AK5: variants seen among roughly 807,000 people sequenced by gnomAD.
AK5 encodes the protein adenylate kinase isoenzyme 5.
AK5 carries 27 observed loss-of-function variants against 69.5 expected under a neutral mutation model. That is an observed-to-expected ratio of 0.39 (90% CI 0.29 to 0.54). The LOEUF (loss-of-function observed/expected upper bound fraction) is 0.54, where lower values mean the gene tolerates loss of function less well. AK5 is among the 20% of genes least tolerant of loss of function. AK5 has a pLI of 0.71. For missense variants in AK5, 531 were observed against 700.4 expected (o/e 0.76, Z 2.73); for synonymous variants, 260 against 244.4 (o/e 1.06, Z -0.60).
chr1:77,508,524 C>T (rs955356536), intron 10 of AK5, among the ~76,000 whole-genome samples: 1 of 152,152 alleles, frequency 6.6e-6, no homozygotes, highest in South Asian at 2.1e-4. Context: ...TCCACCTCTG[C>T]CCACATTTCA....
intron 7 of AK5, among the ~76,000 whole-genome samples, chr1:77,416,616 A>G (rs1340026583): frequency 1.3e-5 from 2 of 152,148 alleles, no homozygotes; most frequent in African/African-American, 2.4e-5. Context: ...GAGAAGGGGG[A>G]AAAAAGAGAA....
At chr1:77,467,198 G>A (rs559970733) in intron 8 of AK5, among the ~76,000 whole-genome samples, 1 of 152,200 alleles carries the variant, frequency 6.6e-6, no homozygotes, top group Non-Finnish European at 1.5e-5. Flanking sequence ...CTGGGTCAAG[G>A]TATCAGCTCT....
chr1:77,368,165 G>A (rs866841080), intron 6 of AK5, among the ~76,000 whole-genome samples: 61 of 123,638 alleles, frequency 4.9e-4, no homozygotes, highest in Middle Eastern at 8.5e-3. Flanking sequence ...ATTGTAGCCC[G>A]GTGACAACCT....
At chr1:77,427,784 C>T (rs1325166028) in intron 8 of AK5, among the ~76,000 whole-genome samples, 1 of 152,240 alleles carries the variant, frequency 6.6e-6, no homozygotes, top group Non-Finnish European at 1.5e-5. Flanking sequence ...TCCTGCTTTT[C>T]TGCTAAGAAA....
chr1:77,509,505 G>A (rs1657221278), intron 10 of AK5, among the ~76,000 whole-genome samples: 1 of 152,112 alleles, frequency 6.6e-6, no homozygotes, highest in Non-Finnish European at 1.5e-5. Context: ...CATTCTTAGG[G>A]CACGGTCAGT....
At chr1:77,519,567 A>G (rs1657866004) in intron 11 of AK5, among the ~76,000 whole-genome samples, 1 of 152,244 alleles carries the variant, frequency 6.6e-6, no homozygotes, top group South Asian at 2.1e-4. Context: ...GTTCATTAAG[A>G]AAGTAGAGGA....
chr1:77,328,564 T>C (rs1660926568), intron 5 of AK5, among the ~76,000 whole-genome samples: 1 of 151,324 alleles, frequency 6.6e-6, no homozygotes, highest in African/African-American at 2.4e-5. Context: ...GAGAGCCTAA[T>C]GTACCCCAAT....
intron 10 of AK5, among the ~76,000 whole-genome samples, chr1:77,497,532 C>T (rs1656414097): frequency 6.6e-6 from 1 of 152,186 alleles, no homozygotes; most frequent in Non-Finnish European, 1.5e-5. Flanking sequence ...GACAGAAGTG[C>T]CATGCAAAGA....
At chr1:77,369,493 C>T (rs937749600) in intron 6 of AK5, among the ~76,000 whole-genome samples, 4 of 152,128 alleles carry the variant, frequency 2.6e-5, no homozygotes, top group African/African-American at 9.7e-5. Flanking sequence ...ATGTTGTAGG[C>T]TTTCCCAAAT....
Position 77,558,802 on chromosome 1 carries a change from CTGTT to C in AK5, c.*135_*138del. ...CACCACCTCCTAAATCCTGACAGCA[CTGTT>C]TGCTTCCCAGCTAGACCTGTGTGAG... On this transcript the variant is annotated 3_prime_UTR_variant, in exon 14 of 14. Transcript: ENST00000354567. 1.5e-6 allele frequency: 1 copy of C among 662,388 alleles called. No individual in the cohort carries two copies. Among genetic ancestry groups the C allele is most frequent in the East Asian group, 2.7e-5 (1 of 37,196 alleles). The allele number at this position is 662,388 out of a possible 1,614,324, so 41.0% of individuals were successfully genotyped here.
chr1:77,297,034 A>G (rs1205118535), intron 3 of AK5, among the ~76,000 whole-genome samples: 1 of 152,180 alleles, frequency 6.6e-6, no homozygotes, highest in East Asian at 1.9e-4. Context: ...CTAGAATTCA[A>G]AGGATATAAG....
intron 12 of AK5, among the ~76,000 whole-genome samples, chr1:77,522,182 ACT>A (rs931938898): frequency 2.7e-5 from 4 of 147,976 alleles, no homozygotes; most frequent in Non-Finnish European, 6.0e-5. Flanking sequence ...CAATTGTCTG[ACT>A]CTCTCTCTCT....
chr1:77,470,655 A>C (rs745880977), intron 8 of AK5, among the ~76,000 whole-genome samples: 1 of 151,646 alleles, frequency 6.6e-6, no homozygotes, highest in Non-Finnish European at 1.5e-5. Context: ...TCATAGGTAA[A>C]AACTCTGTTC....
intron 7 of AK5, among the ~76,000 whole-genome samples, chr1:77,413,669 CA>C (rs1242176265): frequency 2.0e-5 from 3 of 152,158 alleles, no homozygotes; most frequent in Non-Finnish European, 2.9e-5. Context: ...TTTCTGTATG[CA>C]AAGTATGTGG....
chr1:77,294,469 A>G (rs1039739282), intron 3 of AK5, among the ~76,000 whole-genome samples: 1 of 152,122 alleles, frequency 6.6e-6, no homozygotes, highest in Non-Finnish European at 1.5e-5. Context: ...CAACAAATTA[A>G]ATTTTTACTC....
intron 5 of AK5, among the ~76,000 whole-genome samples, chr1:77,302,118 T>C (rs1027287768): frequency 6.6e-6 from 1 of 152,158 alleles, no homozygotes; most frequent in Non-Finnish European, 1.5e-5. Context: ...CAGGCTGGTT[T>C]CAAACTCCTG....
chr1:77,454,525 G>T (rs1327814478), intron 8 of AK5, among the ~76,000 whole-genome samples: 1 of 152,208 alleles, frequency 6.6e-6, no homozygotes, highest in African/African-American at 2.4e-5. Context: ...GAAAATGATT[G>T]CATTCTAACA....
At chr1:77,394,336 TG>T (rs750607427) in intron 6 of AK5, among the ~76,000 whole-genome samples, 2 of 152,308 alleles carry the variant, frequency 1.3e-5, no homozygotes, top group Non-Finnish European at 2.9e-5. Context: ...AGGATCTTCA[TG>T]GGCCTGGAAT....
At chr1:77,516,729 C>T (rs1657665776) in intron 10 of AK5, among the ~76,000 whole-genome samples, 1 of 151,546 alleles carries the variant, frequency 6.6e-6, no homozygotes, top group Non-Finnish European at 1.5e-5. Flanking sequence ...CATTGAAAGT[C>T]CAAGAATTGT....
Sources: gnomAD v4.1 joint callset for allele counts (sites outside exome capture counted in the v4.1 genomes callset) on GRCh38, gnomAD v4.1.1 for gene constraint, MANE v1.5 for transcripts, NCBI Gene and HGNC (gene_info 2026-07-23, HGNC 2026-07-21) for gene names.